The following PDCD2 variants were observed in gnomAD, a reference collection of about 807,000 sequenced individuals.
PDCD2 encodes uS5 assembly chaperone PDCD2.
PDCD2 carries 38 observed loss-of-function variants against 38.1 expected under a neutral mutation model. The observed-to-expected ratio is 1.00, with a 90% confidence interval of 0.77 to 1.31. The LOEUF (loss-of-function observed/expected upper bound fraction) is 1.31. Among genes scored for constraint, PDCD2 ranks in the 50% most tolerant of loss-of-function variants. The probability of loss-of-function intolerance (pLI) is 0.00; values close to 1 mark genes in which losing one functional copy is unlikely to be tolerated. For synonymous variants in PDCD2, 205 were observed against 168.9 expected, an observed-to-expected ratio of 1.21 and a Z score of -1.66; for missense variants, 473 against 435.7, an observed-to-expected ratio of 1.09 and a Z score of -0.76.
In PDCD2 at chr6:170,577,536, T is replaced by G; in HGVS notation, c.*23A>C. The G allele has an allele frequency of 6.2e-7, 1 of 1,600,444 alleles. No homozygotes were observed. The highest frequency in any genetic ancestry group is 8.6e-7 in the Non-Finnish European group (1 of 1,169,116). Reference sequence around the variant, plus strand: ...TGCAAGGTATAAAAGATTATTAACATTTTTCAAGGCTTTAAGATGCCTTTA... The same window carrying G: ...TGCAAGGTATAAAAGATTATTAACAGTTTTCAAGGCTTTAAGATGCCTTTA... On this transcript the variant is annotated 3_prime_UTR_variant, in exon 6 of 6. Transcript: ENST00000541970.
chr6:170,579,981 G>A (rs1317690179), intron 4 of PDCD2, 21 bp downstream of exon 4: 1 of 1,161,782 alleles, frequency 8.6e-7, no homozygotes, highest in Admixed American at 1.7e-5. Context: ...ACACGATGAG[G>A]AGCTATGAGC....
intron 2 of PDCD2, 134 bp downstream of exon 2, chr6:170,583,370 TA>T: frequency 1.9e-6 from 2 of 1,036,298 alleles, no homozygotes; most frequent in Non-Finnish European, 1.4e-6. Context: ...TTTTTTTTTT[TA>T]CAAAGGTGTT....
Position 170,584,483 on chromosome 6 carries a change from C to T in PDCD2, c.99G>A (p.Gly33=), listed in dbSNP as rs1259893115. 5 of 1,319,536 alleles carry T rather than the reference C, an allele frequency of 3.8e-6. No individual in the cohort carries two copies. The highest frequency in any genetic ancestry group is 4.8e-6 in the Non-Finnish European group (5 of 1,041,736). The allele number at this position is 1,319,536 out of a possible 1,614,324, so 81.7% of individuals were successfully genotyped here. ...CGGCCGCGCCCAGCCATGCCGGCCG[C>T]CCGCCCACCTTGCTGGGGAACTGCT... ...RSEQFPSKVG[G]RPAWLGAAGL... is the part of the protein sequence containing the mutation. The change falls in exon 1 of 6, where the codon GGG becomes GGA. Residue 33 remains glycine, a synonymous_variant. Transcript: ENST00000541970.
chr6:170,582,649 G>A lies in PDCD2; in HGVS notation c.658+408C>T, dbSNP rs558789090. 4.1e-6 allele frequency: 5 copies of A among 1,214,036 alleles called. No individual in the cohort carries two copies. The African/African-American group carries it at 6.3e-5, about 15-fold the overall frequency. The allele number at this position is 1,214,036 out of a possible 1,614,324, so 75.2% of individuals were successfully genotyped here. A position where few individuals can be genotyped will look rare whatever the true frequency, so the allele number is the denominator to read the frequency against. On this transcript the variant is annotated intron_variant, in intron 3 of 5. Transcript: ENST00000541970. ...CAAGTACTACCCAAGAGTATGCACT[G>A]TAAGTAAACTGACAAAATTGTGTAT...
rs1779756829 is a variant in PDCD2 at position 170,584,553 on chromosome 6, T to A, written c.29A>T (p.Glu10Val). The A allele has an allele frequency of 7.4e-7, 1 of 1,343,094 alleles. No homozygotes were observed. The allele number at this position is 1,343,094 out of a possible 1,614,324, so 83.2% of individuals were successfully genotyped here. Residue 10 changes from glutamate to valine, a missense_variant, in exon 1 of 6, where the codon GAG (glutamate) becomes GTG (valine). Coordinates refer to ENST00000541970, the MANE Select transcript of PDCD2 (RefSeq NM_002598.4). MAAAGARPVELGFAESAPAW... is the reference protein window; with the variant it reads MAAAGARPVVLGFAESAPAW... ...CGGCGCCGACTCGGCGAAGCCCAGC[T>A]CCACAGGCCTGGCCCCGGCGGCAGC...
Position 170,584,346 on chromosome 6 carries a change from A to G in PDCD2, c.236T>C (p.Ile79Thr). ...PGRPDAFHRCIFLFCCREQPC... is the reference protein window; with the variant it reads ...PGRPDAFHRCTFLFCCREQPC... ...CTGCTCGCGGCAGCAGAAGAGGAAG[A>G]TGCAGCGGTGGAAGGCGTCCGGGCG... The change falls in exon 1 of 6, where the codon ATC becomes ACC. Residue 79 changes from isoleucine to threonine, a missense_variant. Coordinates refer to ENST00000541970, the MANE Select transcript of PDCD2 (RefSeq NM_002598.4). 1.3e-6 allele frequency: 2 copies of G among 1,500,258 alleles called. No individual in the cohort carries two copies. The highest frequency in any genetic ancestry group is 2.7e-5 in the East Asian group (1 of 37,036). The allele number at this position is 1,500,258 out of a possible 1,614,324, so 92.9% of individuals were successfully genotyped here.
intron 3 of PDCD2, chr6:170,582,221 G>A (rs1779629495): frequency 6.9e-7 from 1 of 1,447,260 alleles, no homozygotes; most frequent in African/African-American, 1.4e-5. Flanking sequence ...TCCTCCATAA[G>A]ACTGTGAGCA....
chr6:170,577,849 C>T, intron 5 of PDCD2, 132 bp from the exon 6 acceptor site: 1 of 735,668 alleles, frequency 1.4e-6, no homozygotes, highest in South Asian at 2.2e-5. Flanking sequence ...AGACATTATA[C>T]AATTAACATG....
In PDCD2 at chr6:170,583,160, G is replaced by A. The variant is rs1779668510; in HGVS notation, c.555C>T (p.His185=). The A allele has an allele frequency of 6.2e-7, 1 of 1,611,832 alleles. No individual in the cohort carries two copies. The highest frequency in any genetic ancestry group is 1.3e-5 in the African/African-American group (1 of 74,858). ...PDHLDHIIPD[H]NFLFPEFEIV... ...TTTCAAATTCTGGAAAAAGGAAGTT[G>A]TGGTCTGGAATTATATGGTCCAGAT... The change falls in exon 3 of 6, where the codon CAC becomes CAT. Residue 185 remains histidine (H), a synonymous_variant. Coordinates refer to ENST00000541970, the MANE Select transcript of PDCD2 (RefSeq NM_002598.4).
In PDCD2 at chr6:170,578,935, C is replaced by G. The variant is rs769380262; in HGVS notation, c.798G>C (p.Trp266Cys). ...CTTGAGGAATATTTTCACCAGAAAT[C>G]CAGATGGGGGCAATACCTCTGCCAT... ...LRYGRGIAPI[W>C]ISGENIPQEK... Residue 266 changes from tryptophan to cysteine, a missense_variant, in exon 5 of 6, where the codon TGG becomes TGC. Coordinates refer to ENST00000541970, the MANE Select transcript of PDCD2 (RefSeq NM_002598.4). 5.0e-6 allele frequency: 8 copies of G among 1,604,612 alleles called. No homozygotes were observed. The Admixed American group carries it at 1.2e-4, about 25-fold the overall frequency.
rs900734485 is a variant in PDCD2 at position 170,575,888 on chromosome 6, C to T, written c.*1671G>A. ...ATAACAGTTTTTACCATAGAAAGATCGTTAACATGTTTGCTTTAAAAGTCA... is the reference window on the plus strand; with the variant it reads ...ATAACAGTTTTTACCATAGAAAGATTGTTAACATGTTTGCTTTAAAAGTCA... On this transcript the variant is annotated 3_prime_UTR_variant, in exon 6 of 6. Coordinates refer to ENST00000541970, the MANE Select transcript of PDCD2 (RefSeq NM_002598.4). The T allele has an allele frequency of 6.6e-6, 1 of 152,172 alleles. No homozygotes were observed. The highest frequency in any genetic ancestry group is 2.4e-5 in the African/African-American group (1 of 41,428). The allele number at this position is 152,172 out of a possible 1,614,324, so 9.4% of individuals were successfully genotyped here.
chr6:170,577,862 T>G, intron 5 of PDCD2, 145 bp from the exon 6 acceptor site: 2 of 687,748 alleles, frequency 2.9e-6, no homozygotes, highest in Non-Finnish European at 4.6e-6. Flanking sequence ...TTAACATGTT[T>G]AACAATCTAA....
In PDCD2 at chr6:170,580,089, TTCC is replaced by T. The variant is rs752874669; in HGVS notation, c.672_674del (p.Glu226del). The stretch of plus-strand genomic sequence containing the variant: ...CATGTTTTGCCATGGAATCCAGTTC[TTCC>T]TCAAGTGCTTCACCTGAAAAATCAA... On this transcript the variant is annotated inframe_deletion, in exon 4 of 6. Transcript: ENST00000541970. The T allele has an allele frequency of 1.1e-4, 174 of 1,607,082 alleles. No homozygotes were observed. The African/African-American group carries it at 1.9e-3, about 17-fold the overall frequency.
At chr6:170,583,809 C>T in intron 1 of PDCD2, 62 bp from the exon 2 acceptor site, 3 of 1,268,612 alleles carry the variant, frequency 2.4e-6, no homozygotes, top group Middle Eastern at 4.0e-4. Context: ...CATATTTTAT[C>T]CTCTGCACGT....
At chr6:170,578,585 C>T (rs929341818) in intron 5 of PDCD2, 1 of 701,368 alleles carries the variant, frequency 1.4e-6, no homozygotes, top group South Asian at 1.5e-5. Context: ...ATGACATAAC[C>T]ACACTGGAGG....
At position 170,583,601 on chromosome 6, in the gene PDCD2, TG is replaced by T. The variant is rs1779691816; in HGVS notation, c.429del (p.Thr145ArgfsTer18). 2 of 1,613,894 alleles carry T rather than the reference TG, an allele frequency of 1.2e-6. No individual in the cohort carries two copies. The highest frequency in any genetic ancestry group is 3.3e-5 in the Admixed American group (2 of 59,994). ...GCTTTGTGGCATCTGGAGCACGTTT[TG>T]GGGCCTAAACAGCCACAAACCCTGC... ...HLCRVCGCLG[P>X]KTCSRCHKAY... On this transcript the variant is annotated frameshift_variant, in exon 2 of 6. Transcript: ENST00000541970. LOFTEE classifies it high-confidence loss of function.
At chr6:170,579,084 A>G (rs1779524667) in intron 4 of PDCD2, 114 bp from the exon 5 acceptor site, 1 of 641,712 alleles carries the variant, frequency 1.6e-6, no homozygotes, top group African/African-American at 1.8e-5. Context: ...ACTGACCCAA[A>G]AGGCATGTCA....
In PDCD2 at chr6:170,582,325, G is replaced by C. The variant is rs954949496; in HGVS notation, c.658+732C>G. 5.3e-5 allele frequency: 81 copies of C among 1,533,926 alleles called. No homozygotes were observed. The East Asian group carries it at 1.9e-3, about 35-fold the overall frequency. On this transcript the variant is annotated intron_variant, in intron 3 of 5. Coordinates refer to ENST00000541970, the MANE Select transcript of PDCD2 (RefSeq NM_002598.4). The stretch of plus-strand genomic sequence containing the variant: ...ACTCAAAACATGTTTTGGAATGTAT[G>C]ACTGGTATGAACTACAAACCAGTAA...
intron 3 of PDCD2, 131 bp downstream of exon 3, chr6:170,582,926 T>TA (rs1779658858): frequency 1.3e-6 from 2 of 1,492,334 alleles, no homozygotes; most frequent in South Asian, 2.8e-5. Flanking sequence ...CCTGAGGCAA[T>TA]ATCTGAAAAT....
Sources: gnomAD v4.1 joint callset for allele counts on GRCh38, gnomAD v4.1.1 for gene constraint, MANE v1.5 for transcripts, NCBI Gene and HGNC (gene_info 2026-07-23, HGNC 2026-07-21) for gene names.